The following ING1 variants were observed in gnomAD, a reference collection of about 807,000 sequenced individuals.
The protein encoded by ING1 is inhibitor of growth protein 1.
Under a neutral mutation model 23.1 loss-of-function variants are expected in ING1, and 4 were observed. The observed-to-expected ratio is 0.17, with a 90% CI of 0.09 to 0.40. The LOEUF (loss-of-function observed/expected upper bound fraction) is 0.40, where lower values mean the gene tolerates loss of function less well. Ranked by LOEUF, ING1 falls within the 10% of genes least tolerant of loss-of-function variation. ING1 has a pLI of 1.00. For missense variants in ING1, 256 were observed against 393.8 expected (o/e 0.65, Z 2.96); for synonymous variants, 179 against 166.4 (o/e 1.08, Z -0.58).
chr13:110,714,323 C>T (rs1395742279), intron 1 of ING1, 38 bp downstream of exon 1: 8 of 1,514,370 alleles, frequency 5.3e-6, no homozygotes, highest in African/African-American at 1.4e-5. Flanking sequence ...GCGGCCGCCT[C>T]CTTCCCGGCG....
chr13:110,712,734 G>C (rs1416099476), upstream of ING1: 4 of 697,978 alleles, frequency 5.7e-6, no homozygotes. Context: ...TGTGGGGAGC[G>C]GCCTCCGAGA....
chr13:110,712,992 C>A, upstream of ING1: 1 of 1,548,530 alleles, frequency 6.5e-7, no homozygotes, highest in African/African-American at 1.4e-5. Flanking sequence ...GTCTCCCGCG[C>A]ACTCTGCGGC....
rs571631960 is a variant in ING1, at chr13:110,719,337, A to G, written c.245A>G (p.Gln82Arg). The G allele has an allele frequency of 3.7e-6, 6 of 1,609,192 alleles. No homozygotes were observed. Among genetic ancestry groups the G allele is most frequent in the East Asian group, 2.2e-5 (1 of 44,852 alleles). ...GTGCAGCGCGCGCTGATCCGCAGCC[A>G]GGAGCTGGGCGACGAGAAGATCCAG... is the stretch of plus-strand genomic sequence containing the variant. ...HCVQRALIRS[Q>R]ELGDEKIQIV... is the part of the protein sequence containing the mutation. Residue 82 changes from glutamine to arginine, a missense_variant, in exon 2 of 2, where the codon CAG (glutamine) becomes CGG (arginine). Around this residue, in one of 3 missense-constraint regions of ING1, gnomAD observed 209 missense variants for 273.8 expected, o/e 0.76. Transcript: ENST00000333219. This position sits in a 1 kb window ranked among gnomAD's most constrained non-coding sequence, Gnocchi z 8.9.
chr13:110,721,593 C>G lies in ING1; in HGVS notation c.*1661C>G, dbSNP rs75731545. On this transcript the variant is annotated 3_prime_UTR_variant, in exon 2 of 2. Coordinates refer to ENST00000333219, the MANE Select transcript of ING1 (RefSeq NM_198219.3). ...TTCATTTTTTTTTTTTTTTTTTTTT[C>G]TGAGATGGAGTCTCACTCTGTCTCC... 8.2e-4 allele frequency: 44 copies of G among 53,916 alleles called. No homozygotes were observed. Among genetic ancestry groups the G allele is most frequent in the African/African-American group, 3.4e-3 (41 of 11,982 alleles). The allele number at this position is 53,916 out of a possible 1,614,324, so 3.3% of individuals were successfully genotyped here. A position where few individuals can be genotyped will look rare whatever the true frequency, so the allele number is the denominator to read the frequency against.
chr13:110,714,584 G>A lies in ING1; in HGVS notation c.136+299G>A, dbSNP rs568667034. On this transcript the variant is annotated intron_variant, in intron 1 of 1. Coordinates refer to ENST00000333219, the MANE Select transcript of ING1 (RefSeq NM_198219.3). ...CGGGTGCTGCGGGGGAGGGGGCGGC[G>A]GGTCCAAGCCGCGTCCTCTAGGAGG... is the stretch of plus-strand genomic sequence containing the variant. Among the ~76,000 whole-genome samples the A allele has an allele frequency of 1.1e-3, 168 of 152,190 alleles. 1 individual carries two copies. Among genetic ancestry groups the A allele is most frequent in the African/African-American group, 4.0e-3 (167 of 41,544 alleles).
rs527690240 is a variant in ING1 at position 110,714,928 on chromosome 13, C to T, written c.136+643C>T. The T allele has an allele frequency of 9.5e-5, 91 of 955,640 alleles. 1 individual carries two copies. In the South Asian group the frequency reaches 2.2e-3, roughly 23 times the overall value. 59.2% of individuals were successfully genotyped at this position (955,640 alleles called of 1,614,324 possible). A position where few individuals can be genotyped will look rare whatever the true frequency, so the allele number is the denominator to read the frequency against. On this transcript the variant is annotated intron_variant, in intron 1 of 1. Transcript: ENST00000333219. Reference sequence around the variant, plus strand: ...GGGCGACGCCGCCGGTTGTAGTTTGCGGAGGACGAGGGCTTTTCTCTGTGT... The same window carrying T: ...GGGCGACGCCGCCGGTTGTAGTTTGTGGAGGACGAGGGCTTTTCTCTGTGT...
At chr13:110,718,275 C>T (rs1470709444) in intron 1 of ING1, among the ~76,000 whole-genome samples, 1 of 152,102 alleles carries the variant, frequency 6.6e-6, no homozygotes, top group Non-Finnish European at 1.5e-5. Context: ...AATAATAGCC[C>T]ATCACAGTGG....
Position 110,715,824 on chromosome 13 carries a change from C to G in ING1, c.136+1539C>G, listed in dbSNP as rs769653273. The G allele has an allele frequency of 7.6e-6, 12 of 1,588,052 alleles. No homozygotes were observed. In the East Asian group the frequency reaches 2.7e-4, roughly 36 times the overall value. The stretch of plus-strand genomic sequence containing the variant: ...CCTGGCGGGTGTCGCCCCGGCCCCT[C>G]TCCCCGCTCAGCCCGGCCACTTTCG... On this transcript the variant is annotated intron_variant, in intron 1 of 1. Transcript: ENST00000333219.
upstream of ING1, chr13:110,712,852 GC>G: frequency 8.8e-7 from 1 of 1,139,332 alleles, no homozygotes. Context: ...TCCCTCTCAG[GC>G]CCCTTTGTCT....
upstream of ING1, chr13:110,712,893 A>G (rs369112100): frequency 4.8e-6 from 7 of 1,465,976 alleles, no homozygotes; most frequent in African/African-American, 7.0e-5. Flanking sequence ...GTACCGGGAG[A>G]CGACACAAAG....
intron 1 of ING1, among the ~76,000 whole-genome samples, chr13:110,717,510 C>G (rs943264186): frequency 6.6e-6 from 1 of 152,222 alleles, no homozygotes; most frequent in Non-Finnish European, 1.5e-5. Context: ...CCCTCCCACT[C>G]TCAGCCCCTC....
At chr13:110,718,884 C>T (rs2064146029) in intron 1 of ING1, among the ~76,000 whole-genome samples, 2 of 152,132 alleles carry the variant, frequency 1.3e-5, no homozygotes, top group African/African-American at 2.4e-5. Context: ...AATGTTGGGT[C>T]CCGAGCACTG....
upstream of ING1, chr13:110,713,366 G>A (rs777275617): frequency 1.3e-4 from 143 of 1,065,028 alleles, no homozygotes; most frequent in Non-Finnish European, 1.6e-4. Context: ...AGCGAAGCAG[G>A]CCGCTCCCCT....
rs1040277761 is a variant in ING1, at chr13:110,720,559, C to G, written c.*627C>G. Reference sequence around the variant, plus strand: ...CAAGGAACCTCAAGTCATGCTTTTGCTATCACCAATCATAGTGTACCCATC... The same window carrying G: ...CAAGGAACCTCAAGTCATGCTTTTGGTATCACCAATCATAGTGTACCCATC... On this transcript the variant is annotated 3_prime_UTR_variant, in exon 2 of 2. Transcript: ENST00000333219. 2 of 167,056 alleles carry G rather than the reference C, an allele frequency of 1.2e-5. No individual in the cohort carries two copies. Among genetic ancestry groups the G allele is most frequent in the African/African-American group, 4.8e-5 (2 of 41,434 alleles). The allele number at this position is 167,056 out of a possible 1,614,324, so 10.3% of individuals were successfully genotyped here.
intron 1 of ING1, among the ~76,000 whole-genome samples, chr13:110,717,117 G>A (rs1396163031): frequency 6.6e-6 from 1 of 152,092 alleles, no homozygotes; most frequent in Non-Finnish European, 1.5e-5. Flanking sequence ...ATTGTCTTTA[G>A]AACTTTGATT....
rs539590576 is a variant in ING1 at position 110,716,057 on chromosome 13, T to C, written c.136+1772T>C. On this transcript the variant is annotated intron_variant, in intron 1 of 1. Transcript: ENST00000333219. ...CGAGGGGGACCCTCGGCGCAGAAACTTTTCTGGAAGGTGCTGTCCTCGGGC... is the reference window on the plus strand; with the variant it reads ...CGAGGGGGACCCTCGGCGCAGAAACCTTTCTGGAAGGTGCTGTCCTCGGGC... 5 of 1,473,388 alleles carry C rather than the reference T, an allele frequency of 3.4e-6. No individual in the cohort carries two copies. The Middle Eastern group carries it at 7.1e-4, about 208-fold the overall frequency. 91.3% of individuals were successfully genotyped at this position (1,473,388 alleles called of 1,614,324 possible).
intron 1 of ING1, chr13:110,715,019 G>C: frequency 1.0e-6 from 1 of 992,234 alleles, no homozygotes. Context: ...CGCTGCGCTC[G>C]GGGGGGCGCG....
At position 110,719,606 on chromosome 13, in the gene ING1, G is replaced by T. The variant is rs1421323131; in HGVS notation, c.514G>T (p.Ala172Ser). The T allele has an allele frequency of 1.9e-6, 3 of 1,611,582 alleles. No homozygotes were observed. The highest frequency in any genetic ancestry group is 1.1e-5 in the South Asian group (1 of 91,046). Residue 172 changes from alanine to serine, a missense_variant, in exon 2 of 2, where the codon GCC becomes TCC. Ala to Ser is a moderately conservative substitution (Grantham distance 99). Around this residue, in one of 3 missense-constraint regions of ING1, gnomAD observed 209 missense variants for 273.8 expected, o/e 0.76. Coordinates refer to ENST00000333219, the MANE Select transcript of ING1 (RefSeq NM_198219.3). This position sits in a 1 kb window ranked among gnomAD's most constrained non-coding sequence, Gnocchi z 8.9. ...CAGCAACCACGACCACGACGACGGCGCCTCGGGCACACCCAAGGAGAAGAA... is the reference window on the plus strand; with the variant it reads ...CAGCAACCACGACCACGACGACGGCTCCTCGGGCACACCCAAGGAGAAGAA... ...ASSNHDHDDGASGTPKEKKAK... is the reference protein window; with the variant it reads ...ASSNHDHDDGSSGTPKEKKAK...
upstream of ING1, chr13:110,713,244 T>C (rs1442453864): frequency 6.7e-6 from 9 of 1,349,380 alleles, no homozygotes; most frequent in Admixed American, 1.3e-4. Context: ...TATACTGCTC[T>C]GTGGGGCGGG....
Sources: gnomAD v4.1 joint callset for allele counts (sites outside exome capture counted in the v4.1 genomes callset) on GRCh38, gnomAD v4.1.1 for gene constraint, gnomAD v4.1.1 regional missense constraint, Gnocchi (gnomAD v3.1) non-coding constraint, MANE v1.5 for transcripts, NCBI Gene and HGNC (gene_info 2026-07-23, HGNC 2026-07-21) for gene names.